The following FOCAD variants were observed in gnomAD, a reference collection of about 807,000 sequenced individuals.
FOCAD encodes focadhesin, also known as KIAA1797.
Under a neutral mutation model 225.6 loss-of-function variants are expected in FOCAD, and 198 were observed. That is an observed-to-expected ratio of 0.88 (90% confidence interval 0.78 to 0.99). FOCAD has a LOEUF of 0.99. FOCAD is among the 50% of genes least tolerant of loss of function. The pLI, the probability that FOCAD is intolerant of heterozygous loss-of-function variation, is 0.00. For synonymous variants in FOCAD, 897 were observed against 755.0 expected (o/e 1.19, Z -3.08); for missense variants, 2,713 against 2,123.6 (o/e 1.28, Z -5.46).
At chr9:20,989,634 C>T (rs993168788) in intron 41 of FOCAD, among the ~76,000 whole-genome samples, 2 of 152,084 alleles carry the variant, frequency 1.3e-5, no homozygotes, top group African/African-American at 4.8e-5. Flanking sequence ...CTCTGGGCAA[C>T]ATAGTGAGAC....
intron 13 of FOCAD, 43 bp from the exon 14 acceptor site, chr9:20,820,898 C>A: frequency 6.3e-7 from 1 of 1,597,908 alleles, no homozygotes; most frequent in Non-Finnish European, 8.5e-7. Context: ...GATTATTCAA[C>A]TCAAGTTGGG....
intron 8 of FOCAD, among the ~76,000 whole-genome samples, chr9:20,773,559 A>G (rs1446350812): frequency 6.6e-6 from 1 of 152,172 alleles, no homozygotes; most frequent in African/African-American, 2.4e-5. Context: ...CCACCACAGA[A>G]GTTCTCCACA....
At chr9:20,988,485 T>G in intron 41 of FOCAD, 56 bp downstream of exon 41, 1 of 1,017,362 alleles carries the variant, frequency 9.8e-7, no homozygotes, top group South Asian at 1.6e-5. Flanking sequence ...TTATATTAGG[T>G]TGGTGCAAAA....
intron 5 of FOCAD, among the ~76,000 whole-genome samples, chr9:20,749,498 T>C (rs889236948): frequency 3.9e-5 from 6 of 152,324 alleles, no homozygotes; most frequent in South Asian, 2.1e-4. Context: ...TTTTTCGTTA[T>C]GCATCTTCTA....
chr9:20,895,682 C>T lies in FOCAD; in HGVS notation c.2625+10452C>T, dbSNP rs183257350. On this transcript the variant is annotated intron_variant, in intron 21 of 43. Transcript: ENST00000338382. ...ATTTCAGCTTCTATTTTTTTCATTGCTGTCATATAGGAAAGCAATTGATTT... is the reference window on the plus strand; with the variant it reads ...ATTTCAGCTTCTATTTTTTTCATTGTTGTCATATAGGAAAGCAATTGATTT... Among the ~76,000 whole-genome samples, 16 of 151,704 alleles carry T rather than the reference C, an allele frequency of 1.1e-4. 1 individual carries two copies. Among genetic ancestry groups the T allele is most frequent in the Admixed American group, 1.1e-3 (16 of 15,204 alleles).
chr9:20,869,408 T>C (rs548633338), intron 18 of FOCAD, among the ~76,000 whole-genome samples: 1 of 152,318 alleles, frequency 6.6e-6, no homozygotes, highest in African/African-American at 2.4e-5. Context: ...CAGCTACTTT[T>C]TAAAGTACTG....
chr9:20,920,978 A>T lies in FOCAD; in HGVS notation c.2853-2682A>T, dbSNP rs916994595. 6.2e-4 allele frequency among the ~76,000 whole-genome samples: 94 copies of T among 151,450 alleles called. 1 individual carries two copies. Among genetic ancestry groups the T allele is most frequent in the Non-Finnish European group, 7.2e-4 (49 of 67,832 alleles). On this transcript the variant is annotated intron_variant, in intron 24 of 43. Transcript: ENST00000338382. The stretch of plus-strand genomic sequence containing the variant: ...TAAAGTATAATAATAATAAAATTAA[A>T]AAATAAATAAATAAATAAATAAATG...
intron 8 of FOCAD, among the ~76,000 whole-genome samples, chr9:20,775,490 G>A: frequency 6.6e-6 from 1 of 152,198 alleles, no homozygotes; most frequent in Admixed American, 6.5e-5. Flanking sequence ...GATCTGTTTG[G>A]CCCATCTTGG....
Position 20,711,210 on chromosome 9 carries a change from A to G in FOCAD, c.-32-4112A>G, listed in dbSNP as rs553038635. 8.5e-5 allele frequency among the ~76,000 whole-genome samples: 13 copies of G among 152,358 alleles called. 1 individual carries two copies. In the South Asian group the frequency reaches 2.7e-3, roughly 32 times the overall value. Reference sequence around the variant, plus strand: ...TTTAATATTTAAGCAGTGGAAGCATATAGGAGACATTTTATGTGGGAGAGA... The same window carrying G: ...TTTAATATTTAAGCAGTGGAAGCATGTAGGAGACATTTTATGTGGGAGAGA... On this transcript the variant is annotated intron_variant, in intron 1 of 43. Transcript: ENST00000338382.
chr9:20,911,278 T>C (rs1199052048), intron 22 of FOCAD, among the ~76,000 whole-genome samples: 1 of 152,022 alleles, frequency 6.6e-6, no homozygotes, highest in Non-Finnish European at 1.5e-5. Flanking sequence ...ATGAAGGATG[T>C]GAATACAGTG....
At chr9:20,858,692 T>G (rs776864433) in intron 15 of FOCAD, among the ~76,000 whole-genome samples, 2 of 152,162 alleles carry the variant, frequency 1.3e-5, no homozygotes, top group Non-Finnish European at 2.9e-5. Context: ...GTGGTTTGTT[T>G]GAAGTTTTTC....
intron 15 of FOCAD, among the ~76,000 whole-genome samples, chr9:20,832,858 C>T (rs1028090230): frequency 6.6e-6 from 1 of 152,012 alleles, no homozygotes; most frequent in Non-Finnish European, 1.5e-5. Context: ...CATCAGTGGA[C>T]ACTTAGGTTG....
chr9:20,848,315 C>T (rs901258329), intron 15 of FOCAD, among the ~76,000 whole-genome samples: 14 of 152,080 alleles, frequency 9.2e-5, no homozygotes, highest in Non-Finnish European at 1.8e-4. Context: ...TCTCTCTAAG[C>T]ATGCATTCCC....
At chr9:20,959,418 T>G (rs1169353561) in intron 35 of FOCAD, among the ~76,000 whole-genome samples, 4 of 152,190 alleles carry the variant, frequency 2.6e-5, no homozygotes, top group African/African-American at 7.2e-5. Context: ...TTTGAGTTCC[T>G]TGCATATTCT....
At position 20,770,091 on chromosome 9, in the gene FOCAD, C is replaced by G. The variant is rs777207561; in HGVS notation, c.759C>G (p.Ser253Arg). The G allele has an allele frequency of 6.2e-7, 1 of 1,614,010 alleles. No individual in the cohort carries two copies. Among genetic ancestry groups the G allele is most frequent in the Non-Finnish European group, 8.5e-7 (1 of 1,179,978 alleles). ...AMMFIEEVCLSLLRHPVFWKI... is the reference protein window; with the variant it reads ...AMMFIEEVCLRLLRHPVFWKI... ...TGTTTATTGAGGAAGTATGTTTAAG[C>G]CTTTTGCGTCATCCTGTTTTCTGGA... is the stretch of plus-strand genomic sequence containing the variant. The change falls in exon 8 of 44, where the codon AGC (serine) becomes AGG (arginine). Residue 253 changes from serine (S) to arginine (R), a missense_variant. By Grantham distance (110) the Ser-to-Arg change is moderately radical. Transcript: ENST00000338382.
At chr9:20,706,171 G>A (rs1824373715) in intron 1 of FOCAD, among the ~76,000 whole-genome samples, 2 of 152,164 alleles carry the variant, frequency 1.3e-5, no homozygotes, top group Admixed American at 1.3e-4. Flanking sequence ...TTGGGCTCAA[G>A]TGATCCTCTT....
At chr9:20,801,528 G>T (rs905270757) in intron 11 of FOCAD, among the ~76,000 whole-genome samples, 1 of 152,130 alleles carries the variant, frequency 6.6e-6, no homozygotes, top group Non-Finnish European at 1.5e-5. Context: ...TACAGTTATT[G>T]AGGCACTCAT....
rs983339168 is a variant in FOCAD at position 20,741,636 on chromosome 9, T to G, written c.392+1296T>G. Among the ~76,000 whole-genome samples, 10 of 150,852 alleles carry G rather than the reference T, an allele frequency of 6.6e-5. No individual in the cohort carries two copies. In the East Asian group the frequency reaches 1.9e-3, roughly 29 times the overall value. ...TTTATTTGAAAATACTATGAAAACT[T>G]GAGGTCTGCAGAGTAAAGCTTTCCA... On this transcript the variant is annotated intron_variant, in intron 5 of 43. Transcript: ENST00000338382.
At chr9:20,862,298 G>T (rs142144476) in intron 15 of FOCAD, among the ~76,000 whole-genome samples, 6 of 151,944 alleles carry the variant, frequency 3.9e-5, no homozygotes, top group Non-Finnish European at 8.8e-5. Flanking sequence ...TGTGTGTGTC[G>T]GTGGGAGTGA....
Sources: gnomAD v4.1 joint callset for allele counts (sites outside exome capture counted in the v4.1 genomes callset) on GRCh38, gnomAD v4.1.1 for gene constraint, MANE v1.5 for transcripts, NCBI Gene and HGNC (gene_info 2026-07-23, HGNC 2026-07-21) for gene names.